DIS3L2: variants seen among roughly 807,000 people sequenced by gnomAD.
DIS3L2 encodes DIS3 like 3'-5' exoribonuclease 2, also known as DIS3-like exonuclease 2.
DIS3L2 carries 34 observed loss-of-function variants against 97.5 expected under a neutral mutation model. That is an observed-to-expected ratio of 0.35 (90% CI 0.27 to 0.46). The LOEUF (loss-of-function observed/expected upper bound fraction) is 0.46, where lower values mean the gene tolerates loss of function less well. Among genes scored for constraint, DIS3L2 ranks in the 20% least tolerant of loss-of-function variants. DIS3L2 has a pLI of 1.00. For missense variants in DIS3L2, 1,038 were observed against 1,146.0 expected (o/e 0.91, Z 1.36); for synonymous variants, 435 against 445.2 (o/e 0.98, Z 0.29).
chr2:232,279,628 G>A (rs1225140608), intron 13 of DIS3L2, among the ~76,000 whole-genome samples: 9 of 151,728 alleles, frequency 5.9e-5, no homozygotes, highest in Non-Finnish European at 8.8e-5. Flanking sequence ...TCCTGGGTTC[G>A]AGTGATTCTC....
intron 1 of DIS3L2, among the ~76,000 whole-genome samples, chr2:231,987,377 C>T (rs556979356): frequency 4.6e-5 from 7 of 152,268 alleles, no homozygotes; most frequent in Non-Finnish European, 1.0e-4. Flanking sequence ...TTGCAGTTTC[C>T]GTGGGAATCA....
intron 12 of DIS3L2, among the ~76,000 whole-genome samples, chr2:232,259,423 C>T (rs1380620878): frequency 6.6e-6 from 1 of 152,054 alleles, no homozygotes; most frequent in East Asian, 1.9e-4. Context: ...TTTAGGAATA[C>T]CTTAGGATTC....
At chr2:232,342,216 T>C (rs865963623) in intron 13 of DIS3L2, among the ~76,000 whole-genome samples, 1 of 144,958 alleles carries the variant, frequency 6.9e-6, no homozygotes, top group Non-Finnish European at 1.5e-5. Context: ...TATACACATA[T>C]ATACACATAC....
At chr2:232,193,516 T>G (rs1004619107) in intron 9 of DIS3L2, among the ~76,000 whole-genome samples, 26 of 152,230 alleles carry the variant, frequency 1.7e-4, no homozygotes, top group African/African-American at 5.8e-4. Flanking sequence ...TGATGATTAT[T>G]AAGGCACATT....
At chr2:231,969,220 C>T (rs1559501888) in intron 1 of DIS3L2, among the ~76,000 whole-genome samples, 1 of 151,480 alleles carries the variant, frequency 6.6e-6, no homozygotes, top group Non-Finnish European at 1.5e-5. Flanking sequence ...TTCTGATTGA[C>T]ACTAGTATAT....
chr2:231,966,640 C>CCTTTTTT (rs1692723037), intron 1 of DIS3L2, among the ~76,000 whole-genome samples: 1 of 70,524 alleles, frequency 1.4e-5, no homozygotes, highest in Non-Finnish European at 3.0e-5. Context: ...AGTTAAAAAA[C>CCTTTTTT]ATTTTTTTTT....
At chr2:231,992,746 C>T (rs1000408871) in intron 1 of DIS3L2, among the ~76,000 whole-genome samples, 1 of 152,126 alleles carries the variant, frequency 6.6e-6, no homozygotes, top group African/African-American at 2.4e-5. Flanking sequence ...TCTGTCTTCT[C>T]GAAATCTTGA....
chr2:232,342,755 T>C (rs1169845999), intron 13 of DIS3L2, among the ~76,000 whole-genome samples: 3 of 152,200 alleles, frequency 2.0e-5, no homozygotes, highest in Admixed American at 1.3e-4. Flanking sequence ...ATTGCCTCCA[T>C]AGAACCTCTA....
chr2:232,337,257 C>T (rs1048534777), downstream of DIS3L2: 2 of 949,750 alleles, frequency 2.1e-6, no homozygotes, highest in Non-Finnish European at 2.5e-6. Flanking sequence ...CTGTGTCCAA[C>T]CCTGCCCCCA....
At chr2:232,245,776 A>C (rs539130224) in intron 11 of DIS3L2, among the ~76,000 whole-genome samples, 1 of 152,350 alleles carries the variant, frequency 6.6e-6, no homozygotes, top group African/African-American at 2.4e-5. Flanking sequence ...GATACCACAC[A>C]GTTTTTATAG....
chr2:232,210,537 T>C, intron 10 of DIS3L2, 132 bp downstream of exon 10: 2 of 755,846 alleles, frequency 2.6e-6, no homozygotes, highest in East Asian at 2.7e-5. Context: ...GAACTTGCCA[T>C]AGGCCTCTGA....
intron 5 of DIS3L2, among the ~76,000 whole-genome samples, chr2:232,039,524 A>G (rs572140195): frequency 1.1e-4 from 16 of 152,266 alleles, no homozygotes; most frequent in South Asian, 4.1e-4. Flanking sequence ...TAAATAGTCA[A>G]TTTATTTCAC....
chr2:232,131,236 A>C (rs1698209359), intron 7 of DIS3L2: 1 of 152,154 alleles, frequency 6.6e-6, no homozygotes, highest in Admixed American at 6.5e-5. Flanking sequence ...ATTCACTTGT[A>C]TTCTTTAATT....
chr2:232,240,011 T>C (rs1206206244), intron 11 of DIS3L2, among the ~76,000 whole-genome samples: 1 of 152,242 alleles, frequency 6.6e-6, no homozygotes, highest in African/African-American at 2.4e-5. Context: ...CAGTTGACAG[T>C]GATGTCTTCC....
chr2:232,193,732 A>G (rs533463801), intron 9 of DIS3L2, among the ~76,000 whole-genome samples: 1 of 152,348 alleles, frequency 6.6e-6, no homozygotes, highest in African/African-American at 2.4e-5. Flanking sequence ...TATCACCCAA[A>G]GTAGTTTCAC....
At chr2:232,087,249 A>G (rs1696689079) in intron 5 of DIS3L2, among the ~76,000 whole-genome samples, 1 of 151,584 alleles carries the variant, frequency 6.6e-6, no homozygotes, top group East Asian at 1.9e-4. Context: ...TGAGAAGTGG[A>G]TAAGGCATTA....
intron 6 of DIS3L2, among the ~76,000 whole-genome samples, chr2:232,106,623 T>G (rs1697363978): frequency 6.6e-6 from 1 of 152,146 alleles, no homozygotes; most frequent in South Asian, 2.1e-4. Flanking sequence ...TTAGAGACCT[T>G]CAAAGAGACC....
chr2:232,170,730 C>T (rs1690961826), intron 9 of DIS3L2, among the ~76,000 whole-genome samples: 1 of 151,980 alleles, frequency 6.6e-6, no homozygotes, highest in Non-Finnish European at 1.5e-5. Flanking sequence ...TGCAGCTTCT[C>T]GGCTGCCAAA....
intron 14 of DIS3L2, among the ~76,000 whole-genome samples, chr2:232,303,563 C>T (rs181116162): frequency 1.5e-4 from 23 of 152,348 alleles, no homozygotes; most frequent in Admixed American, 1.1e-3. Flanking sequence ...CTTTAGCATT[C>T]ATCTCTGTTT....
Sources: gnomAD v4.1 joint callset for allele counts (sites outside exome capture counted in the v4.1 genomes callset) on GRCh38, gnomAD v4.1.1 for gene constraint, MANE v1.5 for transcripts, NCBI Gene and HGNC (gene_info 2026-07-23, HGNC 2026-07-21) for gene names.